Variants in SEMA4D observed in about 807,000 individuals in gnomAD.
SEMA4D encodes semaphorin-4D.
SEMA4D carries 22 observed loss-of-function variants against 74.8 expected under a neutral mutation model. The observed-to-expected ratio is 0.29, with a 90% CI of 0.21 to 0.42. The LOEUF (loss-of-function observed/expected upper bound fraction) is 0.42, where lower values mean the gene tolerates loss of function less well. Ranked by LOEUF, SEMA4D falls within the 10% of genes least tolerant of loss-of-function variation. The probability of loss-of-function intolerance (pLI) is 1.00; values close to 1 mark genes in which losing one functional copy is unlikely to be tolerated. For missense variants in SEMA4D, 937 were observed against 1,118.4 expected, an observed-to-expected ratio of 0.84 and a Z score of 2.31; for synonymous variants, 445 against 463.7, an observed-to-expected ratio of 0.96 and a Z score of 0.52.
intron 1 of SEMA4D, among the ~76,000 whole-genome samples, chr9:89,475,116 G>A (rs1177053260): frequency 6.6e-6 from 1 of 152,230 alleles, no homozygotes; most frequent in Non-Finnish European, 1.5e-5. Context: ...GAAAGAACCT[G>A]CAGAACCTGC....
At chr9:89,478,164 T>C (rs1466800114) in intron 1 of SEMA4D, among the ~76,000 whole-genome samples, 2 of 152,328 alleles carry the variant, frequency 1.3e-5, no homozygotes, top group East Asian at 3.9e-4. Context: ...ATTGCCTTCT[T>C]GTGTGCTGTA....
intron 16 of SEMA4D, among the ~76,000 whole-genome samples, chr9:89,372,070 C>T (rs1049014690): frequency 1.3e-4 from 3 of 22,682 alleles, no homozygotes; most frequent in African/African-American, 2.0e-4. Context: ...GTGTTGGGGG[C>T]GTGGTGTGTG....
At chr9:89,427,386 A>T (rs1848325992) in intron 2 of SEMA4D, among the ~76,000 whole-genome samples, 2 of 152,124 alleles carry the variant, frequency 1.3e-5, no homozygotes, top group Admixed American at 1.3e-4. Context: ...CCCTGGTGAG[A>T]TGCCTGTATC....
intron 2 of SEMA4D, among the ~76,000 whole-genome samples, chr9:89,446,652 G>A (rs1394410143): frequency 5.9e-5 from 9 of 152,202 alleles, no homozygotes; most frequent in Admixed American, 2.6e-4. Flanking sequence ...AGGATCAGCC[G>A]CTTCCCACTT....
chr9:89,444,442 G>A (rs1234755956), intron 2 of SEMA4D, among the ~76,000 whole-genome samples: 3 of 152,222 alleles, frequency 2.0e-5, no homozygotes, highest in Middle Eastern at 3.2e-3. Context: ...CGCTACTGAC[G>A]GGATGTGGGC....
Position 89,377,390 on chromosome 9 carries a change from G to A in SEMA4D, c.*1314C>T, listed in dbSNP as rs191647578. 19 of 203,602 alleles carry A rather than the reference G, an allele frequency of 9.3e-5. No individual in the cohort carries two copies. The highest frequency in any genetic ancestry group is 3.5e-3 in the Middle Eastern group (2 of 578). 12.6% of individuals were successfully genotyped at this position (203,602 alleles called of 1,614,324 possible). The stretch of plus-strand genomic sequence containing the variant: ...GGAAGATAAGACTGTCCACACACGC[G>A]CACAAACATCCAGAGTTTATTGCTC... On this transcript the variant is annotated 3_prime_UTR_variant, in exon 16 of 16. Transcript: ENST00000422704.
At chr9:89,481,396 C>G (rs556712359) in intron 1 of SEMA4D, among the ~76,000 whole-genome samples, 58 of 152,246 alleles carry the variant, frequency 3.8e-4, no homozygotes, top group African/African-American at 1.3e-3. Context: ...AGGTCTGAGA[C>G]AAAATTAAAC....
chr9:89,461,701 T>TCTCTC (rs374879306), intron 1 of SEMA4D, among the ~76,000 whole-genome samples: 28 of 31,280 alleles, frequency 9.0e-4, no homozygotes, highest in Middle Eastern at 9.6e-3. Flanking sequence ...CTTTTTTCTC[T>TCTCTC]TTTTTTTTTT....
intron 16 of SEMA4D, chr9:89,364,047 T>G: frequency 6.2e-7 from 1 of 1,607,308 alleles, no homozygotes; most frequent in Non-Finnish European, 8.5e-7. Flanking sequence ...CTGTCCCAGT[T>G]GGACCTGAAG....
At chr9:89,413,469 T>A (rs1330839449) in intron 2 of SEMA4D, among the ~76,000 whole-genome samples, 3 of 152,292 alleles carry the variant, frequency 2.0e-5, no homozygotes, top group Admixed American at 2.0e-4. Context: ...TGTATGCATC[T>A]GTGTATGTGC....
In SEMA4D at chr9:89,378,876, T is replaced by A; in HGVS notation, c.2417A>T (p.His806Leu). The A allele has an allele frequency of 6.2e-7, 1 of 1,614,162 alleles. No homozygotes were observed. Among genetic ancestry groups the A allele is most frequent in the Non-Finnish European group, 8.5e-7 (1 of 1,180,038 alleles). Residue 806 changes from histidine (H) to leucine (L), a missense_variant, in exon 16 of 16, where the codon CAC (histidine) becomes CTC (leucine). His to Leu is a moderately conservative substitution (Grantham distance 99). Transcript: ENST00000422704. ...GCCGGTGTCCAGGGCTGGCTTGGGG[T>A]GCTCCCCATTCTGCTGGGAGAAGCT... ...PGSFSQQNGE[H>L]PKPALDTGYE...
intron 2 of SEMA4D, among the ~76,000 whole-genome samples, chr9:89,448,195 C>T (rs557971119): frequency 3.9e-5 from 6 of 152,246 alleles, no homozygotes; most frequent in East Asian, 3.9e-4. Context: ...AGGCTGGTCT[C>T]AAACTCCTGG....
chr9:89,395,093 A>T (rs1840653296), intron 6 of SEMA4D, among the ~76,000 whole-genome samples: 1 of 152,172 alleles, frequency 6.6e-6, no homozygotes, highest in Non-Finnish European at 1.5e-5. Flanking sequence ...TACAAGTGAT[A>T]CATCTTTTCT....
intron 1 of SEMA4D, among the ~76,000 whole-genome samples, chr9:89,481,357 G>A (rs1202261518): frequency 2.0e-5 from 3 of 152,210 alleles, no homozygotes; most frequent in Admixed American, 2.0e-4. Flanking sequence ...AGGGTTCACA[G>A]CAGGACTGGA....
intron 2 of SEMA4D, chr9:89,449,596 C>T (rs1431772638): frequency 1.5e-5 from 14 of 936,234 alleles, no homozygotes; most frequent in African/African-American, 8.1e-5. Flanking sequence ...AAACTATCGC[C>T]GAGGACCTGG....
chr9:89,448,190 G>C (rs960053462), intron 2 of SEMA4D, among the ~76,000 whole-genome samples: 9 of 152,104 alleles, frequency 5.9e-5, no homozygotes, highest in African/African-American at 1.9e-4. Flanking sequence ...TGCCCAGGCT[G>C]GTCTCAAACT....
chr9:89,465,453 G>T (rs1388325731), intron 1 of SEMA4D, among the ~76,000 whole-genome samples: 1 of 146,224 alleles, frequency 6.8e-6, no homozygotes, highest in Non-Finnish European at 1.6e-5. Context: ...AAAAGACATG[G>T]AGTTGGCTGG....
chr9:89,442,789 C>A (rs1210699211), intron 2 of SEMA4D, among the ~76,000 whole-genome samples: 1 of 152,176 alleles, frequency 6.6e-6, no homozygotes, highest in Non-Finnish European at 1.5e-5. Context: ...GGCTGCAGCC[C>A]TCCCCATCCT....
At position 89,379,333 on chromosome 9, in the gene SEMA4D, C is replaced by G; in HGVS notation, c.1960G>C (p.Val654Leu). ...TGAACAACTGACAAGGTGGGGGCCA[C>G]TACGGGCTTTGGAACCACCTTCACT... ...LEVKVVPKPV[V>L]APTLSVVQTE... The change falls in exon 16 of 16, where the codon GTG becomes CTG. Residue 654 changes from valine to leucine, a missense_variant. Coordinates refer to ENST00000422704, the MANE Select transcript of SEMA4D (RefSeq NM_001371194.2). The G allele has an allele frequency of 3.1e-6, 5 of 1,614,174 alleles. No individual in the cohort carries two copies. Among genetic ancestry groups the G allele is most frequent in the Non-Finnish European group, 4.2e-6 (5 of 1,180,042 alleles).
Sources: allele counts gnomAD v4.1 joint callset (sites outside exome capture counted in the v4.1 genomes callset), GRCh38; gene constraint gnomAD v4.1.1; transcripts MANE v1.5; gene names NCBI Gene and HGNC (gene_info 2026-07-23, HGNC 2026-07-21).